The following HVCN1 variants were observed in gnomAD, a reference collection of about 807,000 sequenced individuals.
HVCN1 encodes hydrogen voltage gated channel 1.
Under a neutral mutation model 29.2 loss-of-function variants are expected in HVCN1, and 14 were observed. The ratio of observed to expected loss-of-function variants is 0.48; its 90% CI spans 0.32 to 0.75. The LOEUF (loss-of-function observed/expected upper bound fraction) is 0.75. Ranked by LOEUF, HVCN1 falls within the 30% of genes least tolerant of loss-of-function variation. The pLI, the probability that HVCN1 is intolerant of heterozygous loss-of-function variation, is 0.04. For missense variants in HVCN1, 263 were observed against 341.8 expected (o/e 0.77, Z 1.82); for synonymous variants, 131 against 133.2 (o/e 0.98, Z 0.11).
chr12:110,660,624 G>A (rs766701549), intron 4 of HVCN1, among the ~76,000 whole-genome samples: 16 of 152,152 alleles, frequency 1.1e-4, no homozygotes, highest in Non-Finnish European at 2.2e-4. Context: ...AAACTTAGTG[G>A]CATTCAGTCC....
upstream of HVCN1, among the ~76,000 whole-genome samples, chr12:110,694,568 C>A (rs1472683018): frequency 6.6e-6 from 1 of 152,172 alleles, no homozygotes; most frequent in Non-Finnish European, 1.5e-5. The surrounding 1 kb of genome is among the most constrained non-coding windows in gnomAD (Gnocchi z 4.6). Flanking sequence ...GGGCAAAAGC[C>A]CTGTCCTGGC....
At chr12:110,697,550 G>A (rs2069511666) in intron 2 of HVCN1, among the ~76,000 whole-genome samples, 1 of 152,004 alleles carries the variant, frequency 6.6e-6, no homozygotes, top group South Asian at 2.1e-4. Flanking sequence ...CAGCTGGAGG[G>A]GCCCACACTG....
intron 3 of HVCN1, among the ~76,000 whole-genome samples, chr12:110,663,267 G>A (rs1014232564): frequency 6.6e-6 from 1 of 152,074 alleles, no homozygotes; most frequent in Non-Finnish European, 1.5e-5. Flanking sequence ...TTGGGCACAT[G>A]TGCTCAAATT....
At chr12:110,688,758 TGAA>T (rs978992726) in intron 1 of HVCN1, 50 bp from the exon 2 acceptor site, 42 of 152,328 alleles carry the variant, frequency 2.8e-4, no homozygotes, top group African/African-American at 9.4e-4. Flanking sequence ...GCGCGGAGTG[TGAA>T]GAACTGAAGG....
At chr12:110,659,567 G>T (rs868298832) in intron 4 of HVCN1, among the ~76,000 whole-genome samples, 33 of 152,342 alleles carry the variant, frequency 2.2e-4, no homozygotes, top group Middle Eastern at 3.4e-3. Flanking sequence ...TTGGGGATGG[G>T]GATTGGGTCC....
At chr12:110,684,217 A>G (rs1316626569) in intron 2 of HVCN1, among the ~76,000 whole-genome samples, 1 of 152,212 alleles carries the variant, frequency 6.6e-6, no homozygotes, top group African/African-American at 2.4e-5. Context: ...TTTAAAAAGC[A>G]AAATGATATA....
intron 3 of HVCN1, among the ~76,000 whole-genome samples, chr12:110,669,523 A>G (rs1477334727): frequency 6.6e-6 from 1 of 152,146 alleles, no homozygotes; most frequent in South Asian, 2.1e-4. Flanking sequence ...TTGCAGTTCT[A>G]GAGCGGACCA....
chr12:110,669,690 T>C (rs939903783), intron 3 of HVCN1, among the ~76,000 whole-genome samples: 1 of 152,080 alleles, frequency 6.6e-6, no homozygotes, highest in Non-Finnish European at 1.5e-5. Flanking sequence ...ACTGAGACAC[T>C]GTCCCCACCA....
Position 110,648,825 on chromosome 12 carries a change from T to C in HVCN1, c.*585A>G, listed in dbSNP as rs550895388. 16 of 339,440 alleles carry C rather than the reference T, an allele frequency of 4.7e-5. No homozygotes were observed. Among genetic ancestry groups the C allele is most frequent in the African/African-American group, 3.5e-4 (16 of 45,288 alleles). The allele number at this position is 339,440 out of a possible 1,614,324, so 21.0% of individuals were successfully genotyped here. On this transcript the variant is annotated 3_prime_UTR_variant, in exon 8 of 8. Coordinates refer to ENST00000242607, the MANE Select transcript of HVCN1 (RefSeq NM_032369.4). ...ATTTTATACAGTAGTTGTTTTATTT[T>C]ATACAGTAGTTGTACAGTAATTGAG...
intron 4 of HVCN1, among the ~76,000 whole-genome samples, chr12:110,657,999 C>CCAGAGCAAAGCAGAGCAG (rs1259319835): frequency 1.3e-5 from 2 of 152,160 alleles, no homozygotes. Context: ...ATTTTCTACC[C>CCAGAGCAAAGCAGAGCAG]CAGAGCAACA....
chr12:110,680,400 A>G (rs2136423231), intron 3 of HVCN1, among the ~76,000 whole-genome samples: 1 of 151,512 alleles, frequency 6.6e-6, no homozygotes, highest in East Asian at 1.9e-4. Context: ...TTCAACCCCC[A>G]GCCTCATTTG....
Position 110,661,463 on chromosome 12 carries a change from C to G in HVCN1, c.22-15G>C. 1 of 1,611,540 alleles carries G rather than the reference C, an allele frequency of 6.2e-7. No individual in the cohort carries two copies. The highest frequency in any genetic ancestry group is 8.5e-7 in the Non-Finnish European group (1 of 1,178,310). ...CGGGTGACTGCCTAGAAGGCGGGGA[C>G]AGAGAGCAAGAGCTTCAGGCAGTTG... On this transcript the variant is annotated splice_polypyrimidine_tract_variant and intron_variant, in intron 3 of 7. Coordinates refer to ENST00000242607, the MANE Select transcript of HVCN1 (RefSeq NM_032369.4). The surrounding 1 kb of genome is among the most constrained non-coding windows in gnomAD (Gnocchi z 6.2).
At chr12:110,655,887 T>A (rs1295854205) in intron 4 of HVCN1, among the ~76,000 whole-genome samples, 3 of 152,098 alleles carry the variant, frequency 2.0e-5, no homozygotes, top group Non-Finnish European at 4.4e-5. Flanking sequence ...GTATTTTTAG[T>A]AGAGATGGTG....
intron 6 of HVCN1, among the ~76,000 whole-genome samples, chr12:110,650,760 C>T (rs1385259767): frequency 6.8e-6 from 1 of 147,090 alleles, no homozygotes; most frequent in African/African-American, 2.5e-5. Context: ...AGTGCACAAT[C>T]TTGGCTTATT....
chr12:110,687,258 C>CCA (rs1566064888), intron 2 of HVCN1, among the ~76,000 whole-genome samples: 1 of 57,028 alleles, frequency 1.8e-5, no homozygotes, highest in African/African-American at 9.2e-5. Flanking sequence ...ACAGACCACA[C>CCA]CCCCCCCCCC....
chr12:110,695,290 A>G (rs1402834624), intron 2 of HVCN1, among the ~76,000 whole-genome samples: 13 of 151,892 alleles, frequency 8.6e-5, no homozygotes, highest in Admixed American at 8.5e-4. Flanking sequence ...ATACACACAC[A>G]CACACTTATA....
At chr12:110,695,854 G>A (rs79580063) in intron 2 of HVCN1, among the ~76,000 whole-genome samples, 3,878 of 152,292 alleles carry the variant, frequency 0.025, 148 homozygotes, top group African/African-American at 0.083. Flanking sequence ...GTCATAAGAA[G>A]TAAGGCTGGG....
chr12:110,684,371 A>C (rs2069103140), intron 2 of HVCN1, among the ~76,000 whole-genome samples: 1 of 152,258 alleles, frequency 6.6e-6, no homozygotes, highest in Non-Finnish European at 1.5e-5. Context: ...TCCAATTGAA[A>C]AAAGACAGAC....
intron 3 of HVCN1, chr12:110,682,596 A>T (rs561396895): frequency 6.5e-6 from 1 of 154,556 alleles, no homozygotes; most frequent in South Asian, 2.0e-4. Flanking sequence ...CTTGCCTAAC[A>T]TTCTGAGACC....
Sources: gnomAD v4.1 joint callset for allele counts (sites outside exome capture counted in the v4.1 genomes callset) on GRCh38, gnomAD v4.1.1 for gene constraint, Gnocchi (gnomAD v3.1) non-coding constraint, MANE v1.5 for transcripts, NCBI Gene and HGNC (gene_info 2026-07-23, HGNC 2026-07-21) for gene names.